Variants in RPS6KC1 observed in about 807,000 individuals in gnomAD.
RPS6KC1 encodes ribosomal protein S6 kinase C1.
Under a neutral mutation model 103.8 loss-of-function variants are expected in RPS6KC1, and 54 were observed. The ratio of observed to expected loss-of-function variants is 0.52; its 90% confidence interval spans 0.42 to 0.65. The LOEUF (loss-of-function observed/expected upper bound fraction) is 0.65, where lower values mean the gene tolerates loss of function less well. Among genes scored for constraint, RPS6KC1 ranks in the 30% least tolerant of loss-of-function variants. The pLI is 0.00. For missense variants in RPS6KC1, 1,151 were observed against 1,253.8 expected (o/e 0.92, Z 1.24); for synonymous variants, 439 against 438.7 (o/e 1.00, Z -0.01).
chr1:213,803,109 A>C, the RPS6KC1 span, among the ~76,000 whole-genome samples: 1 of 152,182 alleles, frequency 6.6e-6, no homozygotes, highest in African/African-American at 2.4e-5. Flanking sequence ...TTGCCCAGCT[A>C]GTAATCAAGT....
chr1:213,570,728 T>G, the RPS6KC1 span, among the ~76,000 whole-genome samples: 212 of 152,238 alleles, frequency 1.4e-3, 1 homozygote, highest in African/African-American at 4.7e-3. Context: ...TCAAATGGTG[T>G]GGAGGGTGAG....
the RPS6KC1 span, among the ~76,000 whole-genome samples, chr1:213,352,293 G>C: frequency 6.6e-6 from 1 of 152,242 alleles, no homozygotes; most frequent in East Asian, 1.9e-4. Flanking sequence ...ATTCTCTACT[G>C]TAATTCTAAA....
the RPS6KC1 span, among the ~76,000 whole-genome samples, chr1:213,625,223 A>T: frequency 3.3e-5 from 5 of 152,214 alleles, no homozygotes; most frequent in East Asian, 9.6e-4. Flanking sequence ...GAAAAAGAAA[A>T]AAAAGCAGTT....
chr1:213,143,657 A>C (rs2087355949), intron 6 of RPS6KC1, among the ~76,000 whole-genome samples: 1 of 151,878 alleles, frequency 6.6e-6, no homozygotes, highest in African/African-American at 2.4e-5. Flanking sequence ...AATATTTTTC[A>C]TGTTTTGTTT....
chr1:213,262,305 T>A (rs931130889), intron 13 of RPS6KC1, among the ~76,000 whole-genome samples: 2 of 152,210 alleles, frequency 1.3e-5, no homozygotes, highest in African/African-American at 4.8e-5. Flanking sequence ...AAATCACCTT[T>A]ACATACATTT....
At chr1:213,475,904 T>C in the RPS6KC1 span, among the ~76,000 whole-genome samples, 6 of 152,218 alleles carry the variant, frequency 3.9e-5, no homozygotes, top group African/African-American at 1.4e-4. Flanking sequence ...TAAGCCAGTC[T>C]ATTGAAACTG....
chr1:213,268,537 A>G (rs1008380254), intron 14 of RPS6KC1, among the ~76,000 whole-genome samples: 1 of 148,392 alleles, frequency 6.7e-6, no homozygotes, highest in Non-Finnish European at 1.5e-5. Flanking sequence ...AAAAAAATAT[A>G]TATTTTATTT....
At chr1:213,110,352 T>C (rs2082907438) in intron 4 of RPS6KC1, among the ~76,000 whole-genome samples, 1 of 152,204 alleles carries the variant, frequency 6.6e-6, no homozygotes, top group Non-Finnish European at 1.5e-5. Flanking sequence ...ATGTTTTTTT[T>C]CTTCCTGAGG....
At chr1:213,739,190 T>C in the RPS6KC1 span, among the ~76,000 whole-genome samples, 1 of 152,214 alleles carries the variant, frequency 6.6e-6, no homozygotes, top group Non-Finnish European at 1.5e-5. Context: ...AAGACCTCTA[T>C]GATGATCCAT....
the RPS6KC1 span, among the ~76,000 whole-genome samples, chr1:213,854,521 T>C: frequency 1.2e-5 from 1 of 86,656 alleles, no homozygotes; most frequent in Admixed American, 1.2e-4. Flanking sequence ...TCTTTCTTTC[T>C]TTCTTTCTTT....
At chr1:213,566,274 C>A in the RPS6KC1 span, among the ~76,000 whole-genome samples, 1 of 151,836 alleles carries the variant, frequency 6.6e-6, no homozygotes, top group Non-Finnish European at 1.5e-5. Flanking sequence ...ATAATTATTC[C>A]TATTTAAAAA....
the RPS6KC1 span, among the ~76,000 whole-genome samples, chr1:213,343,177 A>C: frequency 6.6e-6 from 1 of 151,888 alleles, no homozygotes; most frequent in Non-Finnish European, 1.5e-5. Flanking sequence ...TTTCAATAGG[A>C]TATCTGGAAG....
chr1:213,093,906 G>A (rs919892289), intron 3 of RPS6KC1, among the ~76,000 whole-genome samples: 1 of 151,760 alleles, frequency 6.6e-6, no homozygotes, highest in South Asian at 2.1e-4. Context: ...GTTTTGTGTT[G>A]CTCCGCTGTG....
intron 12 of RPS6KC1, among the ~76,000 whole-genome samples, chr1:213,254,970 T>A (rs1406940675): frequency 6.6e-6 from 1 of 151,070 alleles, no homozygotes; most frequent in Non-Finnish European, 1.5e-5. Flanking sequence ...GTTTTGAAAA[T>A]TGGCAAAAAA....
At chr1:213,554,762 G>C in the RPS6KC1 span, among the ~76,000 whole-genome samples, 1 of 152,100 alleles carries the variant, frequency 6.6e-6, no homozygotes, top group Non-Finnish European at 1.5e-5. Flanking sequence ...CTTATATCCT[G>C]ATGCAGAGAT....
chr1:213,327,134 C>T, the RPS6KC1 span, among the ~76,000 whole-genome samples: 1 of 149,232 alleles, frequency 6.7e-6, no homozygotes, highest in Non-Finnish European at 1.5e-5. Flanking sequence ...ACATGAAATG[C>T]AGGAAATGGG....
At chr1:213,378,648 CATATCCATATTTTAT>C in the RPS6KC1 span, among the ~76,000 whole-genome samples, 1 of 152,134 alleles carries the variant, frequency 6.6e-6, no homozygotes, top group South Asian at 2.1e-4. Flanking sequence ...GATGGATACA[CATATCCATATTTTAT>C]ATATCCATAT....
the RPS6KC1 span, among the ~76,000 whole-genome samples, chr1:213,365,197 C>T: frequency 1.3e-5 from 2 of 152,224 alleles, no homozygotes; most frequent in Non-Finnish European, 2.9e-5. Context: ...ATTGTGTAAT[C>T]TCACATCAAA....
At chr1:213,389,608 G>A in the RPS6KC1 span, among the ~76,000 whole-genome samples, 26 of 152,160 alleles carry the variant, frequency 1.7e-4, no homozygotes, top group Non-Finnish European at 2.9e-4. Flanking sequence ...TGTCACCCCC[G>A]AGGCCCGGGC....
Sources: gnomAD v4.1 joint callset for allele counts (sites outside exome capture counted in the v4.1 genomes callset) on GRCh38, gnomAD v4.1.1 for gene constraint, MANE v1.5 for transcripts, NCBI Gene and HGNC (gene_info 2026-07-23, HGNC 2026-07-21) for gene names.